Variants in SMARCA1 observed in about 807,000 individuals in gnomAD.
The protein encoded by SMARCA1 is SNF2 related chromatin remodeling ATPase 1.
A neutral mutation model predicts 93.6 loss-of-function variants in SMARCA1; 17 were observed. That is an observed-to-expected ratio of 0.18 (90% CI 0.12 to 0.27). SMARCA1 has a LOEUF of 0.27. Among genes scored for constraint, SMARCA1 ranks in the 10% least tolerant of loss-of-function variants. The pLI, the probability that SMARCA1 is intolerant of heterozygous loss-of-function variation, is 1.00. For synonymous variants in SMARCA1, 271 were observed against 271.4 expected (o/e 1.00, Z 0.01); for missense variants, 630 against 819.0 (o/e 0.77, Z 2.82).
chrX:129,480,668 T>C (rs771534482), intron 19 of SMARCA1, 33 bp downstream of exon 19: 34 of 612,506 alleles, frequency 5.6e-5, no homozygotes, highest in Non-Finnish European at 7.5e-5. Context: ...TTAAAGATTA[T>C]ATTATATTAA....
chrX:129,465,121 A>G (rs755443150), intron 23 of SMARCA1, among the ~76,000 whole-genome samples: 1 of 111,726 alleles, frequency 9.0e-6, no homozygotes, highest in Non-Finnish European at 1.9e-5. Flanking sequence ...TAGACTGTAT[A>G]CTAAATGACA....
chrX:129,481,014 T>C, intron 18 of SMARCA1, 61 bp downstream of exon 18: 2 of 721,779 alleles, frequency 2.8e-6, no homozygotes, highest in Non-Finnish European at 4.3e-6. Context: ...ATCTGACCCA[T>C]AGATCATGTT....
At chrX:129,452,230 A>C (rs1448124063) in intron 23 of SMARCA1, among the ~76,000 whole-genome samples, 1 of 112,400 alleles carries the variant, frequency 8.9e-6, no homozygotes, top group Non-Finnish European at 1.9e-5. Context: ...AGATTCTTGT[A>C]CATCTTTATC....
chrX:129,516,561 A>C (rs1693261195), intron 2 of SMARCA1, 64 bp from the exon 3 acceptor site: 1 of 935,371 alleles, frequency 1.1e-6, no homozygotes, highest in East Asian at 3.1e-5. Context: ...TTATTTAACA[A>C]ATACTTACTT....
chrX:129,448,242 T>G (rs1932101827), intron 24 of SMARCA1, 91 bp downstream of exon 24: 1 of 845,581 alleles, frequency 1.2e-6, no homozygotes, highest in Middle Eastern at 2.9e-4. Flanking sequence ...TATTAATAGC[T>G]ATCACTATGG....
At chrX:129,484,786 T>C (rs778670598) in intron 17 of SMARCA1, among the ~76,000 whole-genome samples, 1 of 110,896 alleles carries the variant, frequency 9.0e-6, no homozygotes, top group Non-Finnish European at 1.9e-5. Context: ...ATGAAGAAAA[T>C]ACAAAATTAC....
chrX:129,516,867 T>C (rs1464785093), intron 2 of SMARCA1, among the ~76,000 whole-genome samples: 3 of 111,693 alleles, frequency 2.7e-5, no homozygotes, highest in African/African-American at 9.7e-5. Flanking sequence ...TTTTATTAAA[T>C]AAAATAGTAA....
chrX:129,523,089 C>G, intron 1 of SMARCA1, 108 bp downstream of exon 1: 2 of 935,389 alleles, frequency 2.1e-6, no homozygotes, highest in South Asian at 2.3e-5. Flanking sequence ...CCCCTAGCCC[C>G]GCAAAGCTCC....
intron 19 of SMARCA1, among the ~76,000 whole-genome samples, chrX:129,478,156 C>T (rs1432510809): frequency 1.8e-5 from 2 of 111,741 alleles, no homozygotes; most frequent in African/African-American, 6.5e-5. Context: ...TGTTATACTC[C>T]CTCATTAGCA....
intron 6 of SMARCA1, among the ~76,000 whole-genome samples, chrX:129,508,446 C>A (rs1934903459): frequency 1.8e-5 from 2 of 112,553 alleles, no homozygotes; most frequent in African/African-American, 6.5e-5. Flanking sequence ...CAAAGTAACT[C>A]TTTCTGAACA....
rs1935286472 is a variant in SMARCA1 at position 129,518,660 on chromosome X, A to G, written c.175-213T>C. The stretch of plus-strand genomic sequence containing the variant: ...CCTGAGGTCCAATAAAAAAAATCTG[A>G]AAAATTGTGAATGCCAAAGAAATAT... On this transcript the variant is annotated intron_variant, in intron 1 of 24. Transcript: ENST00000371121. 2.8e-5 allele frequency: 7 copies of G among 250,969 alleles called. 1 individual carries two copies. The East Asian group carries it at 4.2e-4, about 15-fold the overall frequency. The allele number at this position is 250,969 out of a possible 1,213,427, so 20.7% of individuals were successfully genotyped here.
intron 5 of SMARCA1, among the ~76,000 whole-genome samples, chrX:129,514,128 C>T (rs927907761): frequency 8.9e-6 from 1 of 112,304 alleles, no homozygotes; most frequent in Non-Finnish European, 1.9e-5. Flanking sequence ...GAGATCGAGA[C>T]CATCGTGAAA....
chrX:129,448,433 C>T lies in SMARCA1; in HGVS notation c.3041G>A (p.Arg1014Lys), dbSNP rs775629775. 1.7e-6 allele frequency: 2 copies of T among 1,189,764 alleles called. No individual in the cohort carries two copies. Residue 1014 changes from arginine to lysine, a missense_variant, in exon 24 of 25, where the codon AGA (arginine) becomes AAA (lysine). Arg to Lys is a conservative substitution (Grantham distance 26). Around this residue, in one of 4 missense-constraint regions of SMARCA1, gnomAD observed 93 missense variants for 160.8 expected, o/e 0.58. Transcript: ENST00000371121. ...IKSRTAMEFQ[R>K]RCNTLISLIE... ...CAATGAAATCAGAGTGTTACAGCGT[C>T]TCTGGAATTCCTAAATGAAGTAATA...
chrX:129,502,380 G>C (rs1934602588), intron 9 of SMARCA1, among the ~76,000 whole-genome samples: 1 of 110,839 alleles, frequency 9.0e-6, no homozygotes, highest in Non-Finnish European at 1.9e-5. Flanking sequence ...GGTGGACAAA[G>C]GGTAAAAGAA....
chrX:129,479,714 T>TA lies in SMARCA1; in HGVS notation c.2442+986_2442+987insT, dbSNP rs1569434349. 1.1e-3 allele frequency among the ~76,000 whole-genome samples: 112 copies of TA among 101,467 alleles called. 1 individual carries two copies. The highest frequency in any genetic ancestry group is 3.9e-3 in the African/African-American group (108 of 27,453). The allele number at this position is 101,467 out of a possible 115,157, so 88.1% of individuals were successfully genotyped here. A position where few individuals can be genotyped will look rare whatever the true frequency, so the allele number is the denominator to read the frequency against. On this transcript the variant is annotated intron_variant, in intron 19 of 24. Transcript: ENST00000371121. ...TATTTTATTTTATTTTATTTTATTTTTGGGACAGAGTCTCCCTCTGTCGCC... is the reference window on the plus strand; with the variant it reads ...TATTTTATTTTATTTTATTTTATTTTATGGGACAGAGTCTCCCTCTGTCGCC...
rs1201609852 is a variant in SMARCA1 at position 129,449,287 on chromosome X, A to G, written c.3031-844T>C. 1.8e-5 allele frequency among the ~76,000 whole-genome samples: 2 copies of G among 111,969 alleles called. 1 individual carries two copies. Among genetic ancestry groups the G allele is most frequent in the Non-Finnish European group, 3.8e-5 (2 of 53,225 alleles). On this transcript the variant is annotated intron_variant, in intron 23 of 24. Transcript: ENST00000371121. The stretch of plus-strand genomic sequence containing the variant: ...AAAGTTAAACAGATTTACTTATTAC[A>G]TGGCTTCTCAGAGCCTTTCAGTTCC...
At chrX:129,490,616 G>A (rs1457494867) in intron 14 of SMARCA1, among the ~76,000 whole-genome samples, 1 of 112,061 alleles carries the variant, frequency 8.9e-6, no homozygotes, top group African/African-American at 3.2e-5. Context: ...GCAGTAAAGA[G>A]TTATAAAAAT....
Position 129,478,456 on chromosome X carries a change from C to T in SMARCA1, c.2442+2245G>A, listed in dbSNP as rs1457111839. 4.5e-5 allele frequency among the ~76,000 whole-genome samples: 5 copies of T among 111,778 alleles called. No homozygotes were observed. The East Asian group carries it at 1.4e-3, about 31-fold the overall frequency. ...CAATAGCACGAATTCCATGCCATCT[C>T]CCCTCTCCCTATTCATCCCTTTCCT... On this transcript the variant is annotated intron_variant, in intron 19 of 24. Transcript: ENST00000371121.
At chrX:129,506,633 T>C (rs1159130616) in intron 7 of SMARCA1, among the ~76,000 whole-genome samples, 1 of 94,724 alleles carries the variant, frequency 1.1e-5, no homozygotes, top group African/African-American at 4.1e-5. Flanking sequence ...GAAGTTGCAG[T>C]GAGCTGAGAT....
Sources: gnomAD v4.1 joint callset for allele counts (sites outside exome capture counted in the v4.1 genomes callset) on GRCh38, gnomAD v4.1.1 for gene constraint, gnomAD v4.1.1 regional missense constraint, MANE v1.5 for transcripts, NCBI Gene and HGNC (gene_info 2026-07-23, HGNC 2026-07-21) for gene names.